Variants in MBNL3 observed in about 807,000 individuals in gnomAD.
MBNL3 encodes the protein muscleblind-like protein 3.
MBNL3 carries 6 observed loss-of-function variants against 24.5 expected under a neutral mutation model. The ratio of observed to expected loss-of-function variants is 0.25; its 90% confidence interval spans 0.13 to 0.48. MBNL3 has a LOEUF of 0.48. Ranked by LOEUF, MBNL3 falls within the 20% of genes least tolerant of loss-of-function variation. MBNL3 has a pLI of 0.99. For missense variants in MBNL3, 230 were observed against 293.5 expected (o/e 0.78, Z 1.58); for synonymous variants, 100 against 101.7 (o/e 0.98, Z 0.10).
intron 2 of MBNL3, among the ~76,000 whole-genome samples, chrX:132,409,625 C>G (rs1159351911): frequency 9.0e-6 from 1 of 110,911 alleles, no homozygotes; most frequent in Non-Finnish European, 1.9e-5. Flanking sequence ...TTGGCTCACA[C>G]TAGTGCAAAG....
chrX:132,463,390 C>T (rs1946728157), intron 1 of MBNL3, among the ~76,000 whole-genome samples: 1 of 110,160 alleles, frequency 9.1e-6, no homozygotes, highest in Non-Finnish European at 1.9e-5. Context: ...TGAACCCGGG[C>T]GGGGCAGAGC....
chrX:132,403,653 A>G (rs748306243), intron 3 of MBNL3, among the ~76,000 whole-genome samples: 1 of 111,936 alleles, frequency 8.9e-6, no homozygotes, highest in African/African-American at 3.2e-5. Flanking sequence ...CCTATTCTCC[A>G]GTGTGAGCCA....
chrX:132,447,921 T>A (rs1945823564), intron 1 of MBNL3, among the ~76,000 whole-genome samples: 1 of 112,260 alleles, frequency 8.9e-6, no homozygotes, highest in African/African-American at 3.2e-5. Context: ...TTGAGATATG[T>A]TCCATGAATA....
intron 1 of MBNL3, among the ~76,000 whole-genome samples, chrX:132,456,391 G>T (rs985373905): frequency 3.6e-5 from 4 of 111,928 alleles, no homozygotes; most frequent in Non-Finnish European, 7.5e-5. Flanking sequence ...ATCATATGAC[G>T]CATTCTAAAG....
At chrX:132,396,496 A>C (rs1360711402) in intron 3 of MBNL3, among the ~76,000 whole-genome samples, 1 of 72,955 alleles carries the variant, frequency 1.4e-5, no homozygotes, top group Non-Finnish European at 2.4e-5. Flanking sequence ...TCCTATATAT[A>C]TTCCTATATA....
At chrX:132,473,229 G>T (rs1423092284) in intron 1 of MBNL3, among the ~76,000 whole-genome samples, 1 of 111,831 alleles carries the variant, frequency 8.9e-6, no homozygotes, top group Non-Finnish European at 1.9e-5. Flanking sequence ...CTTCAACAAA[G>T]TAAAACTATA....
chrX:132,473,612 GCA>G (rs1254745053), intron 1 of MBNL3, among the ~76,000 whole-genome samples: 4 of 108,898 alleles, frequency 3.7e-5, no homozygotes, highest in African/African-American at 6.7e-5. Flanking sequence ...ATAAACACAC[GCA>G]CACACACACA....
chrX:132,440,556 CAT>C (rs1248932002), intron 1 of MBNL3, among the ~76,000 whole-genome samples: 2 of 111,365 alleles, frequency 1.8e-5, no homozygotes, highest in Non-Finnish European at 3.8e-5. Context: ...AACAACCTCA[CAT>C]GAGGTGGGGT....
intron 1 of MBNL3, among the ~76,000 whole-genome samples, chrX:132,478,559 A>G (rs764710472): frequency 3.2e-4 from 36 of 112,494 alleles, no homozygotes; most frequent in African/African-American, 1.2e-3. Flanking sequence ...TCTGACGGCA[A>G]CAAATAGTAA....
At chrX:132,388,478 C>G (rs1936523856) in intron 5 of MBNL3, among the ~76,000 whole-genome samples, 1 of 112,286 alleles carries the variant, frequency 8.9e-6, no homozygotes, top group South Asian at 3.7e-4. Flanking sequence ...GTCCCCTTCT[C>G]TCTCTTGAAA....
At chrX:132,460,873 CCAT>C (rs1432653495) in intron 1 of MBNL3, among the ~76,000 whole-genome samples, 1 of 110,543 alleles carries the variant, frequency 9.0e-6, no homozygotes, top group Non-Finnish European at 1.9e-5. Context: ...CAATCTCCCA[CCAT>C]GAGTCCCCAA....
rs1213678753 is a variant in MBNL3 at position 132,379,414 on chromosome X, T to C, written c.*252A>G. The C allele has an allele frequency of 3.1e-6, 1 of 321,974 alleles. No homozygotes were observed. Among genetic ancestry groups the C allele is most frequent in the African/African-American group, 2.8e-5 (1 of 36,116 alleles). 26.5% of individuals were successfully genotyped at this position (321,974 alleles called of 1,213,427 possible). On this transcript the variant is annotated 3_prime_UTR_variant, in exon 9 of 9. Transcript: ENST00000370853. ...AACAAGTTACCAAATTTTATGGTCA[T>C]GTTCTGCTTGATAATTCAAATAGGA...
In MBNL3 at chrX:132,451,212, C is replaced by T. The variant is rs1044967964; in HGVS notation, c.-703-10898G>A. Among the ~76,000 whole-genome samples the T allele has an allele frequency of 2.7e-5, 3 of 112,731 alleles. No individual in the cohort carries two copies. The Admixed American group carries it at 2.8e-4, about 10-fold the overall frequency. On this transcript the variant is annotated intron_variant, in intron 1 of 8. Transcript: ENST00000370853. ...CTCAAGCACTGTGCTGGGAGATCTG[C>T]CGCTCTCTTCAGAGCCAGCAGGCAG...
At chrX:132,436,874 T>G (rs1212921909) in intron 2 of MBNL3, among the ~76,000 whole-genome samples, 1 of 112,239 alleles carries the variant, frequency 8.9e-6, no homozygotes, top group Non-Finnish European at 1.9e-5. Flanking sequence ...AATATGAGAA[T>G]GTAAGGATTA....
intron 3 of MBNL3, among the ~76,000 whole-genome samples, chrX:132,396,568 CTA>C (rs752013601): frequency 0.013 from 403 of 31,137 alleles, 5 homozygotes; most frequent in African/African-American, 0.033. Flanking sequence ...ATATATATTC[CTA>C]TATATATTCC....
At chrX:132,410,513 C>T (rs750655368) in intron 2 of MBNL3, among the ~76,000 whole-genome samples, 32 of 111,724 alleles carry the variant, frequency 2.9e-4, no homozygotes, top group Non-Finnish European at 4.3e-4. Context: ...TAAATATGTT[C>T]TCTCAAATAC....
At chrX:132,478,414 G>A (rs1479338098) in intron 1 of MBNL3, among the ~76,000 whole-genome samples, 1 of 111,747 alleles carries the variant, frequency 8.9e-6, no homozygotes, top group Admixed American at 9.5e-5. Flanking sequence ...AACTATCAGG[G>A]TACTGAACCA....
intron 3 of MBNL3, among the ~76,000 whole-genome samples, chrX:132,404,665 C>G (rs1941495749): frequency 9.0e-6 from 1 of 111,712 alleles, no homozygotes; most frequent in Non-Finnish European, 1.9e-5. Context: ...TTTAGTGATT[C>G]ATCATTGCCT....
At chrX:132,433,920 CCCT>C (rs1944947472) in intron 2 of MBNL3, among the ~76,000 whole-genome samples, 1 of 111,865 alleles carries the variant, frequency 8.9e-6, no homozygotes, top group Admixed American at 9.4e-5. Flanking sequence ...CTTCACTGTC[CCCT>C]CATCTCCTGC....
Sources: allele counts gnomAD v4.1 joint callset (sites outside exome capture counted in the v4.1 genomes callset), GRCh38; gene constraint gnomAD v4.1.1; transcripts MANE v1.5; gene names NCBI Gene and HGNC (gene_info 2026-07-23, HGNC 2026-07-21).